Variants in LAMA3 observed in about 807,000 individuals in gnomAD.
LAMA3 encodes laminin subunit alpha 3.
LAMA3 carries 281 observed loss-of-function variants against 402.0 expected under a neutral mutation model. That is an observed-to-expected ratio of 0.70 (90% CI 0.63 to 0.77). The LOEUF is 0.77. Ranked by LOEUF, LAMA3 falls within the 30% of genes least tolerant of loss-of-function variation. The pLI is 0.00. For missense variants in LAMA3, 3,840 were observed against 4,215.5 expected (o/e 0.91, Z 2.47); for synonymous variants, 1,431 against 1,558.4 (o/e 0.92, Z 1.93).
chr18:23,745,482 C>T (rs533591959), intron 2 of LAMA3, among the ~76,000 whole-genome samples: 2 of 152,154 alleles, frequency 1.3e-5, no homozygotes, highest in Non-Finnish European at 2.9e-5. Context: ...ATGTTTGGCA[C>T]TTCTCTGACA....
chr18:23,888,566 G>A (rs1321425190), intron 41 of LAMA3, among the ~76,000 whole-genome samples: 8 of 152,134 alleles, frequency 5.3e-5, no homozygotes, highest in Non-Finnish European at 8.8e-5. Context: ...TAAAGAAACT[G>A]AAGCACAGAG....
chr18:23,906,996 T>A (rs1313526561), intron 52 of LAMA3, among the ~76,000 whole-genome samples: 1 of 152,226 alleles, frequency 6.6e-6, no homozygotes, highest in East Asian at 1.9e-4. Flanking sequence ...TTTTAAAATG[T>A]GTCATTTTGG....
chr18:23,904,727 C>T (rs762280392), intron 51 of LAMA3, 33 bp downstream of exon 51: 22 of 1,606,902 alleles, frequency 1.4e-5, no homozygotes, highest in South Asian at 1.2e-4. Flanking sequence ...TCTCCACATT[C>T]GCTGTGGAGA....
intron 2 of LAMA3, among the ~76,000 whole-genome samples, chr18:23,742,612 T>C (rs1369727818): frequency 6.6e-6 from 1 of 151,964 alleles, no homozygotes; most frequent in Non-Finnish European, 1.5e-5. Flanking sequence ...AGGAGGAAAG[T>C]ATTATGATGT....
intron 7 of LAMA3, among the ~76,000 whole-genome samples, chr18:23,762,861 T>TATATA (rs543627019): frequency 1.5e-5 from 2 of 132,518 alleles, no homozygotes; most frequent in South Asian, 2.4e-4. Flanking sequence ...TATATATATA[T>TATATA]TTTTTTTTTT....
intron 1 of LAMA3, among the ~76,000 whole-genome samples, chr18:23,697,388 C>G (rs138311971): frequency 2.6e-5 from 4 of 152,294 alleles, no homozygotes; most frequent in African/African-American, 9.6e-5. Flanking sequence ...ACGACGCAGG[C>G]TGTACTGGCT....
At chr18:23,745,023 A>G (rs2061627291) in intron 2 of LAMA3, among the ~76,000 whole-genome samples, 1 of 152,118 alleles carries the variant, frequency 6.6e-6, no homozygotes, top group African/African-American at 2.4e-5. Flanking sequence ...CAATGTATTA[A>G]ATACAATTTT....
rs747728113 is a variant in LAMA3 at position 23,753,757 on chromosome 18, C to A, written c.892C>A (p.Gln298Lys). ...YSIKDISIGG[Q>K]CVCNGHAEVC... Reference sequence around the variant, plus strand: ...CATAAAGGACATCAGCATTGGTGGGCAGTGTGTTTGCAATGGCCATGCTGA... The same window carrying A: ...CATAAAGGACATCAGCATTGGTGGGAAGTGTGTTTGCAATGGCCATGCTGA... Residue 298 changes from glutamine (Q) to lysine (K), a missense_variant, in exon 6 of 75, where the codon CAG becomes AAG. Gln to Lys is a moderately conservative substitution (Grantham distance 53, BLOSUM62 1). This residue lies in a region of LAMA3 where 2,109 missense variants were observed against 2,376.0 expected (regional missense o/e 0.89). Coordinates refer to ENST00000313654, the MANE Select transcript of LAMA3 (RefSeq NM_198129.4). 3 of 1,613,812 alleles carry A rather than the reference C, an allele frequency of 1.9e-6. No individual in the cohort carries two copies. The East Asian group carries it at 6.7e-5, about 36-fold the overall frequency.
At chr18:23,864,225 A>ATTT (rs397974254) in intron 35 of LAMA3, among the ~76,000 whole-genome samples, 1 of 140,080 alleles carries the variant, frequency 7.1e-6, no homozygotes, top group Non-Finnish European at 1.6e-5. Flanking sequence ...TCTTTCTTTC[A>ATTT]TTTTTTTTTT....
intron 69 of LAMA3, among the ~76,000 whole-genome samples, chr18:23,944,884 C>T (rs1599167186): frequency 1.3e-5 from 2 of 152,280 alleles, no homozygotes; most frequent in East Asian, 3.9e-4. Context: ...CCTGTAATCC[C>T]AGCACTTTGG....
chr18:23,821,923 C>T (rs1598860083), intron 19 of LAMA3, among the ~76,000 whole-genome samples: 1 of 152,178 alleles, frequency 6.6e-6, no homozygotes, highest in South Asian at 2.1e-4. Context: ...GTGGTTGCTC[C>T]GTCACTGTGG....
chr18:23,933,038 G>A (rs1336143999), intron 66 of LAMA3, among the ~76,000 whole-genome samples: 1 of 152,190 alleles, frequency 6.6e-6, no homozygotes. Flanking sequence ...ACAGCTTACT[G>A]CCATGATAAG....
intron 73 of LAMA3, 89 bp from the exon 74 acceptor site, chr18:23,952,901 A>G (rs561421465): frequency 6.4e-7 from 1 of 1,556,144 alleles, no homozygotes; most frequent in Admixed American, 1.7e-5. Flanking sequence ...CCACAGGTCT[A>G]GTATGAAGGA....
chr18:23,796,059 G>A, intron 12 of LAMA3: 1 of 447,004 alleles, frequency 2.2e-6, no homozygotes, highest in African/African-American at 2.0e-5. Context: ...AAGCCAGAAA[G>A]CAGGCCCTCA....
rs556454640 is a variant in LAMA3, at chr18:23,784,192, T to C, written c.1603+35T>C. ...CAGAACATAGCATATTCATAATCAA[T>C]CCCTCAAGATAAATTTCCTCCTGAG... is the stretch of plus-strand genomic sequence containing the variant. On this transcript the variant is annotated intron_variant, in intron 12 of 74. Coordinates refer to ENST00000313654, the MANE Select transcript of LAMA3 (RefSeq NM_198129.4). 295 of 1,613,074 alleles carry C rather than the reference T, an allele frequency of 1.8e-4. 6 individuals carry two copies. The South Asian group carries it at 3.1e-3, about 17-fold the overall frequency.
At chr18:23,876,644 C>T (rs1298148010) in intron 39 of LAMA3, among the ~76,000 whole-genome samples, 1 of 152,228 alleles carries the variant, frequency 6.6e-6, no homozygotes, top group African/African-American at 2.4e-5. Context: ...TACACTTTAG[C>T]TTCTAAATCT....
chr18:23,748,250 GA>G (rs2061686008), intron 3 of LAMA3, among the ~76,000 whole-genome samples, 190 bp downstream of exon 3: 1 of 151,942 alleles, frequency 6.6e-6, no homozygotes, highest in African/African-American at 2.4e-5. Context: ...CCAACATGGT[GA>G]AACCCTGTCT....
chr18:23,710,050 G>C (rs2060961437), intron 1 of LAMA3: 2 of 769,474 alleles, frequency 2.6e-6, no homozygotes, highest in Non-Finnish European at 4.6e-6. Flanking sequence ...TCAGTGGTCA[G>C]CAGAAACTTG....
intron 35 of LAMA3, 80 bp downstream of exon 35, chr18:23,861,887 G>A: frequency 7.0e-7 from 1 of 1,437,472 alleles, no homozygotes. Flanking sequence ...TGGAAATCTG[G>A]AAGGAAGCAT....
Sources: allele counts gnomAD v4.1 joint callset (sites outside exome capture counted in the v4.1 genomes callset), GRCh38; gene constraint gnomAD v4.1.1; regional missense constraint gnomAD v4.1.1; transcripts MANE v1.5; gene names NCBI Gene and HGNC (gene_info 2026-07-23, HGNC 2026-07-21).